The following C10orf90 variants were observed in gnomAD, a reference collection of about 807,000 sequenced individuals.
C10orf90 encodes chromosome 10 open reading frame 90, also known as (E2-independent) E3 ubiquitin-conjugating enzyme FATS.
A neutral mutation model predicts 62.5 loss-of-function variants in C10orf90; 56 were observed. The observed-to-expected ratio is 0.90, with a 90% confidence interval of 0.72 to 1.12. C10orf90 has a LOEUF of 1.12. Ranked by LOEUF, C10orf90 falls within the 50% of genes most tolerant of loss-of-function variation. The pLI is 0.00. For missense variants in C10orf90, 970 were observed against 880.4 expected (o/e 1.10, Z -1.29); for synonymous variants, 386 against 340.4 (o/e 1.13, Z -1.47).
chr10:126,435,678 A>G (rs530433954), intron 7 of C10orf90, among the ~76,000 whole-genome samples: 1 of 152,238 alleles, frequency 6.6e-6, no homozygotes, highest in South Asian at 2.1e-4. Flanking sequence ...TATGAAAAAC[A>G]TTTTTGGAGA....
chr10:126,449,261 CA>C (rs983973539), intron 7 of C10orf90, among the ~76,000 whole-genome samples: 1 of 152,136 alleles, frequency 6.6e-6, no homozygotes, highest in African/African-American at 2.4e-5. Flanking sequence ...TGCTTTGCCA[CA>C]TTAACAGAAT....
chr10:126,669,822 T>C (rs1163742986), intron 1 of C10orf90, among the ~76,000 whole-genome samples: 1 of 152,112 alleles, frequency 6.6e-6, no homozygotes, highest in Admixed American at 6.5e-5. Context: ...TGAAGGCACG[T>C]CATACATATT....
intron 2 of C10orf90, among the ~76,000 whole-genome samples, chr10:126,525,681 C>G (rs1413096430): frequency 6.6e-6 from 1 of 152,146 alleles, no homozygotes; most frequent in East Asian, 1.9e-4. Context: ...AAAGGAAAAA[C>G]CCAGGCTCAA....
intron 3 of C10orf90, among the ~76,000 whole-genome samples, chr10:126,512,303 GTGTGTC>G (rs1863156799): frequency 2.7e-5 from 4 of 150,550 alleles, no homozygotes; most frequent in African/African-American, 9.8e-5. Flanking sequence ...GTGTGTGTGT[GTGTGTC>G]TGTGTGTGTG....
rs375949407 is a variant in C10orf90 at position 126,606,389 on chromosome 10, G to A, written c.313+40176C>T. Among the ~76,000 whole-genome samples the A allele has an allele frequency of 5.3e-5, 8 of 152,296 alleles. No individual in the cohort carries two copies. The South Asian group carries it at 1.2e-3, about 24-fold the overall frequency. On this transcript the variant is annotated intron_variant, in intron 2 of 9. Coordinates refer to ENST00000488181, the MANE Select transcript of C10orf90 (RefSeq NM_001350921.2). ...TGTTGGTCAGTTCTGGTTCTTACGA[G>A]GGGCTGTTGGGCTACTGCACATTGG...
chr10:126,577,717 C>G (rs1042213603), intron 2 of C10orf90, among the ~76,000 whole-genome samples: 5 of 152,052 alleles, frequency 3.3e-5, no homozygotes, highest in Non-Finnish European at 7.4e-5. Context: ...AATAACAAAG[C>G]TGGAGGACTT....
At chr10:126,604,402 T>G (rs1483759993) in intron 2 of C10orf90, among the ~76,000 whole-genome samples, 2 of 152,206 alleles carry the variant, frequency 1.3e-5, no homozygotes, top group Non-Finnish European at 2.9e-5. Flanking sequence ...TTCTCAGACT[T>G]GATCCTCAGT....
At chr10:126,593,540 A>G (rs1378202852) in intron 2 of C10orf90, among the ~76,000 whole-genome samples, 1 of 152,122 alleles carries the variant, frequency 6.6e-6, no homozygotes, top group African/African-American at 2.4e-5. Flanking sequence ...CACATTGAGG[A>G]CTGTCAAAGA....
chr10:126,530,556 A>G (rs1166429930), intron 2 of C10orf90, among the ~76,000 whole-genome samples: 1 of 152,136 alleles, frequency 6.6e-6, no homozygotes, highest in East Asian at 1.9e-4. Context: ...TAGGACCCCT[A>G]TATCTATTAA....
chr10:126,567,533 G>T (rs1011733033), intron 2 of C10orf90, among the ~76,000 whole-genome samples: 1 of 152,120 alleles, frequency 6.6e-6, no homozygotes, highest in East Asian at 1.9e-4. Flanking sequence ...CCCCACCCCC[G>T]GGAGATTTGC....
intron 4 of C10orf90, among the ~76,000 whole-genome samples, chr10:126,475,606 G>C (rs115182238): frequency 1.8e-4 from 28 of 151,828 alleles, no homozygotes; most frequent in Admixed American, 1.4e-3. Context: ...GTAGCAAATG[G>C]GCATATGAGT....
At chr10:126,521,811 T>C (rs1394810043) in intron 2 of C10orf90, among the ~76,000 whole-genome samples, 1 of 152,240 alleles carries the variant, frequency 6.6e-6, no homozygotes, top group African/African-American at 2.4e-5. Context: ...TGAAATATCT[T>C]TGACACTAAA....
At chr10:126,500,974 C>T (rs1218050833) in intron 4 of C10orf90, among the ~76,000 whole-genome samples, 1 of 152,162 alleles carries the variant, frequency 6.6e-6, no homozygotes, top group Non-Finnish European at 1.5e-5. Context: ...AACAGAAGAT[C>T]CTGCTCATGA....
chr10:126,516,388 C>T (rs1008645956), intron 2 of C10orf90, among the ~76,000 whole-genome samples: 3 of 152,174 alleles, frequency 2.0e-5, no homozygotes, highest in Admixed American at 6.5e-5. Context: ...CATCAGTGGT[C>T]AGAAAGCCAC....
chr10:126,569,771 A>G (rs948189925), intron 2 of C10orf90, among the ~76,000 whole-genome samples: 1 of 152,128 alleles, frequency 6.6e-6, no homozygotes, highest in Non-Finnish European at 1.5e-5. Context: ...AGCCAACCAA[A>G]ACATGGAAAA....
At chr10:126,470,278 G>A in intron 4 of C10orf90, 1 of 341,436 alleles carries the variant, frequency 2.9e-6, no homozygotes. Context: ...GAGGAAGGAA[G>A]AGGCAGTAAC....
chr10:126,528,520 A>G (rs1267623686), intron 2 of C10orf90, among the ~76,000 whole-genome samples: 1 of 152,172 alleles, frequency 6.6e-6, no homozygotes, highest in Non-Finnish European at 1.5e-5. Context: ...GGCGAAACTC[A>G]TTTGAGTAAA....
intron 2 of C10orf90, among the ~76,000 whole-genome samples, chr10:126,544,524 C>T (rs956080878): frequency 6.6e-6 from 1 of 151,808 alleles, no homozygotes; most frequent in Non-Finnish European, 1.5e-5. Flanking sequence ...CATTCCCAAG[C>T]AAGAAAGTGC....
At chr10:126,638,843 G>C (rs1018887667) in intron 2 of C10orf90, among the ~76,000 whole-genome samples, 4 of 152,182 alleles carry the variant, frequency 2.6e-5, no homozygotes, top group Non-Finnish European at 4.4e-5. Context: ...CCTCCCTGGA[G>C]CCATGAGCGT....
Sources: allele counts gnomAD v4.1 joint callset (sites outside exome capture counted in the v4.1 genomes callset), GRCh38; gene constraint gnomAD v4.1.1; transcripts MANE v1.5; gene names NCBI Gene and HGNC (gene_info 2026-07-23, HGNC 2026-07-21).